The following FPGT variants were observed in gnomAD, a reference collection of about 807,000 sequenced individuals.
FPGT encodes fucose-1-phosphate guanylyltransferase.
Under a neutral mutation model 45.8 loss-of-function variants are expected in FPGT, and 41 were observed. That is an observed-to-expected ratio of 0.90 (90% CI 0.70 to 1.16). The LOEUF (loss-of-function observed/expected upper bound fraction) is 1.16, where lower values mean the gene tolerates loss of function less well. Among genes scored for constraint, FPGT ranks in the 50% most tolerant of loss-of-function variants. The pLI, the probability that FPGT is intolerant of heterozygous loss-of-function variation, is 0.00. For synonymous variants in FPGT, 292 were observed against 247.2 expected (o/e 1.18, Z -1.70); for missense variants, 755 against 689.1 (o/e 1.10, Z -1.07).
In FPGT at chr1:74,205,018, T is replaced by C. The variant is rs968992185; in HGVS notation, c.971T>C (p.Ile324Thr). Residue 324 changes from isoleucine to threonine, a missense_variant, in exon 4 of 4, where the codon ATT becomes ACT. Coordinates refer to ENST00000370898, the MANE Select transcript of FPGT (RefSeq NM_003838.5). ...TACACCAGAAACACATCAAATGTCA[T>C]TAAAGAAGAGTCAGAGTTGGTAGAA... is the stretch of plus-strand genomic sequence containing the variant. ...VEYTRNTSNV[I>T]KEESELVEMR... The C allele has an allele frequency of 2.5e-6, 4 of 1,613,804 alleles. No homozygotes were observed. Among genetic ancestry groups the C allele is most frequent in the African/African-American group, 1.3e-5 (1 of 74,918 alleles).
chr1:74,202,981 C>G (rs1651933037), intron 3 of FPGT, among the ~76,000 whole-genome samples: 1 of 152,146 alleles, frequency 6.6e-6, no homozygotes, highest in Admixed American at 6.5e-5. Context: ...GAAAGACCTC[C>G]TGAAGGACCT....
chr1:74,205,445 T>C lies in FPGT; in HGVS notation c.1398T>C (p.Tyr466=). The change falls in exon 4 of 4, where the codon TAT becomes TAC. Residue 466 remains tyrosine, a synonymous_variant. Coordinates refer to ENST00000370898, the MANE Select transcript of FPGT (RefSeq NM_003838.5). ...LSLKMNRCLK[Y]ATMAFGVQDN... Reference sequence around the variant, plus strand: ...TAAAGATGAATAGATGCTTAAAGTATGCAACTATGGCATTTGGAGTGCAAG... The same window carrying C: ...TAAAGATGAATAGATGCTTAAAGTACGCAACTATGGCATTTGGAGTGCAAG... The C allele has an allele frequency of 6.2e-7, 1 of 1,613,580 alleles. No individual in the cohort carries two copies. The highest frequency in any genetic ancestry group is 8.5e-7 in the Non-Finnish European group (1 of 1,179,428).
chr1:74,202,852 T>C (rs1235639018), intron 3 of FPGT, among the ~76,000 whole-genome samples: 2 of 152,166 alleles, frequency 1.3e-5, no homozygotes, highest in Non-Finnish European at 2.9e-5. Context: ...TGGTTAGAAA[T>C]GAAGACACAA....
intron 3 of FPGT, 34 bp downstream of exon 3, chr1:74,201,444 T>C: frequency 6.9e-7 from 1 of 1,447,892 alleles, no homozygotes; most frequent in African/African-American, 1.4e-5. Context: ...ACATTTTCTT[T>C]TTAGTCTTCC....
intron 3 of FPGT, among the ~76,000 whole-genome samples, chr1:74,201,813 C>T (rs962575399): frequency 5.9e-5 from 9 of 152,084 alleles, no homozygotes; most frequent in African/African-American, 9.7e-5. Context: ...CATAGGTAAA[C>T]GTGTGCCATG....
In FPGT at chr1:74,198,638, T is replaced by C. The variant is rs188946996; in HGVS notation, c.82+278T>C. On this transcript the variant is annotated intron_variant, in intron 1 of 3. Transcript: ENST00000370898. The stretch of plus-strand genomic sequence containing the variant: ...TCTTACTAGTGAAGTTATGCATTGA[T>C]TAGCTCATTAATAAAAGTTGCTTTA... Among the ~76,000 whole-genome samples the C allele has an allele frequency of 8.2e-4, 125 of 152,326 alleles. 1 individual carries two copies. Among genetic ancestry groups the C allele is most frequent in the Non-Finnish European group, 2.2e-4 (15 of 68,024 alleles).
intron 2 of FPGT, 24 bp downstream of exon 2, chr1:74,199,855 A>G: frequency 1.2e-6 from 2 of 1,611,430 alleles, no homozygotes; most frequent in East Asian, 2.2e-5. Context: ...GGTCAGTTTT[A>G]TAATATAGGT....
chr1:74,198,606 A>G (rs903715720), intron 1 of FPGT, among the ~76,000 whole-genome samples: 6 of 152,320 alleles, frequency 3.9e-5, no homozygotes, highest in Admixed American at 6.5e-5. Context: ...GAGGAAGAAG[A>G]AGAAAATCTT....
In FPGT at chr1:74,208,466, A is replaced by G. The variant is rs531445934; in HGVS notation, c.*2634A>G. On this transcript the variant is annotated 3_prime_UTR_variant, in exon 4 of 4. Transcript: ENST00000370898. ...AATTAAACATTTTGTCTCATTTTAT[A>G]ATTTTTATTTTTATGAAATCATGGC... Among the ~76,000 whole-genome samples, 1 of 152,020 alleles carries G rather than the reference A, an allele frequency of 6.6e-6. No individual in the cohort carries two copies. Among genetic ancestry groups the G allele is most frequent in the Non-Finnish European group, 1.5e-5 (1 of 67,948 alleles).
rs12728688 is a variant in FPGT, at chr1:74,201,389, A to G, written c.322A>G (p.Thr108Ala). ...KLYGDKWNSF[T>A]ILLIHSGGYS... ...ATATGGAGATAAATGGAATTCTTTT[A>G]CCATCTTATTAATTCACTCTGGTAA... Residue 108 changes from threonine to alanine, a missense_variant, in exon 3 of 4, where the codon ACC becomes GCC. Transcript: ENST00000370898. The G allele has an allele frequency of 6.2e-7, 1 of 1,609,096 alleles. No homozygotes were observed. The highest frequency in any genetic ancestry group is 1.7e-5 in the Admixed American group (1 of 59,532).
In FPGT at chr1:74,199,649, G is replaced by C. The variant is rs1332738856; in HGVS notation, c.83-15G>C. ...TGATAATTTTTGTTTTCATTTCCTT[G>C]CTTTTTCCAAATAGGCAAACTTGTA... On this transcript the variant is annotated splice_polypyrimidine_tract_variant and intron_variant, in intron 1 of 3. Transcript: ENST00000370898. 3 of 1,600,014 alleles carry C rather than the reference G, an allele frequency of 1.9e-6. No individual in the cohort carries two copies. The highest frequency in any genetic ancestry group is 2.6e-6 in the Non-Finnish European group (3 of 1,175,440).
chr1:74,201,474 C>T (rs1651793395), intron 3 of FPGT, 64 bp downstream of exon 3: 1 of 1,059,306 alleles, frequency 9.4e-7, no homozygotes, highest in African/African-American at 1.6e-5. Flanking sequence ...ACTTTAGAGA[C>T]TTTTTTCTTT....
rs777988597 is a variant in FPGT at position 74,199,613 on chromosome 1, C to T, written c.83-51C>T. 3.8e-6 allele frequency: 6 copies of T among 1,580,102 alleles called. No homozygotes were observed. In the East Asian group the frequency reaches 1.1e-4, roughly 29 times the overall value. On this transcript the variant is annotated intron_variant, in intron 1 of 3. Coordinates refer to ENST00000370898, the MANE Select transcript of FPGT (RefSeq NM_003838.5). Reference sequence around the variant, plus strand: ...TTCTCAATAGGCAAACCTGTGGCAACTAGAAAATTCTGATAATTTTTGTTT... The same window carrying T: ...TTCTCAATAGGCAAACCTGTGGCAATTAGAAAATTCTGATAATTTTTGTTT...
intron 3 of FPGT, among the ~76,000 whole-genome samples, chr1:74,203,292 A>G (rs936995729): frequency 2.6e-5 from 4 of 152,128 alleles, no homozygotes; most frequent in African/African-American, 7.2e-5. Context: ...GGGACAACCT[A>G]TGTATATGCT....
rs1237379364 is a variant in FPGT, at chr1:74,205,038, G to C, written c.991G>C (p.Val331Leu). The change falls in exon 4 of 4, where the codon GTA (valine) becomes CTA (leucine). Residue 331 changes from valine to leucine, a missense_variant. By Grantham distance (32) the Val-to-Leu change is conservative. Coordinates refer to ENST00000370898, the MANE Select transcript of FPGT (RefSeq NM_003838.5). ...SNVIKEESEL[V>L]EMRQRIFHLL... ...TGTCATTAAAGAAGAGTCAGAGTTG[G>C]TAGAAATGAGGCAGAGAATATTTCA... 6.2e-7 allele frequency: 1 copy of C among 1,613,560 alleles called. No homozygotes were observed. The highest frequency in any genetic ancestry group is 8.5e-7 in the Non-Finnish European group (1 of 1,179,638).
intron 2 of FPGT, 133 bp downstream of exon 2, chr1:74,199,964 TA>T (rs1651634012): frequency 1.0e-5 from 11 of 1,069,840 alleles, no homozygotes; most frequent in Non-Finnish European, 1.4e-5. Context: ...AATTTGAACA[TA>T]AATTGACTTT....
Position 74,204,810 on chromosome 1 carries a change from G to C in FPGT, c.763G>C (p.Gly255Arg). Reference sequence around the variant, plus strand: ...AAATTTTTGTCAACAGGACTTTGCTGGGGGTGACATTGCCGATCTTAAATT... The same window carrying C: ...AAATTTTTGTCAACAGGACTTTGCTCGGGGTGACATTGCCGATCTTAAATT... ...PGNFCQQDFAGGDIADLKLDS... is the reference protein window; with the variant it reads ...PGNFCQQDFARGDIADLKLDS... The change falls in exon 4 of 4, where the codon GGG becomes CGG. Residue 255 changes from glycine (G) to arginine (R), a missense_variant. Coordinates refer to ENST00000370898, the MANE Select transcript of FPGT (RefSeq NM_003838.5). 1 of 1,613,516 alleles carries C rather than the reference G, an allele frequency of 6.2e-7. No individual in the cohort carries two copies.
rs902008279 is a variant in FPGT at position 74,203,682 on chromosome 1, C to T, written c.344-709C>T. On this transcript the variant is annotated intron_variant, in intron 3 of 3. Coordinates refer to ENST00000370898, the MANE Select transcript of FPGT (RefSeq NM_003838.5). ...TTGGTATTACAGGCTTGAGCCACCG[C>T]GCCTGGCCTTCTGTGAAGTAGATTC... Among the ~76,000 whole-genome samples the T allele has an allele frequency of 3.3e-5, 5 of 152,006 alleles. No individual in the cohort carries two copies. In the East Asian group the frequency reaches 5.9e-4, roughly 18 times the overall value.
intron 3 of FPGT, among the ~76,000 whole-genome samples, chr1:74,203,890 A>AAATT (rs1408504147): frequency 1.3e-5 from 2 of 151,880 alleles, no homozygotes; most frequent in Non-Finnish European, 2.9e-5. Context: ...AAAAATACAA[A>AAATT]AATTAGCCAG....
Sources: gnomAD v4.1 joint callset for allele counts (sites outside exome capture counted in the v4.1 genomes callset) on GRCh38, gnomAD v4.1.1 for gene constraint, MANE v1.5 for transcripts, NCBI Gene and HGNC (gene_info 2026-07-23, HGNC 2026-07-21) for gene names.